DISP1: variants seen among roughly 807,000 people sequenced by gnomAD.
The protein encoded by DISP1 is dispatched RND transporter family member 1.
In DISP1, 30 loss-of-function variants were observed where a neutral mutation model predicts 37.3. That is an observed-to-expected ratio of 0.80 (90% confidence interval 0.60 to 1.09). The LOEUF is 1.09. Ranked by LOEUF, DISP1 falls within the 50% of genes least tolerant of loss-of-function variation. The pLI is 0.00. For synonymous variants in DISP1, 634 were observed against 690.2 expected (o/e 0.92, Z 1.28); for missense variants, 1,598 against 1,879.5 (o/e 0.85, Z 2.77).
intron 2 of DISP1, 88 bp from the exon 3 acceptor site, chr1:222,942,719 A>T: frequency 6.7e-7 from 1 of 1,487,366 alleles, no homozygotes; most frequent in Admixed American, 1.7e-5. Context: ...CTCATTTTCA[A>T]TGAGCTGTTT....
Position 222,875,428 on chromosome 1 carries a change from G to T in DISP1, c.-158-53002G>T, listed in dbSNP as rs1210056866. On this transcript the variant is annotated intron_variant, in intron 1 of 8. Coordinates refer to ENST00000675850, the MANE Select transcript of DISP1 (RefSeq NM_001377229.1). ...ACTATAAAATATACTACAAATTATT[G>T]TGACTCTTATTTTGGCTTTTTTCCC... Among the ~76,000 whole-genome samples, 3 of 151,762 alleles carry T rather than the reference G, an allele frequency of 2.0e-5. No individual in the cohort carries two copies. The East Asian group carries it at 5.8e-4, about 29-fold the overall frequency.
intron 1 of DISP1, among the ~76,000 whole-genome samples, chr1:222,843,229 A>G (rs935918193): frequency 2.6e-5 from 4 of 152,044 alleles, no homozygotes; most frequent in Non-Finnish European, 5.9e-5. Flanking sequence ...CACTGCAAAT[A>G]CTGTGTCTAA....
At chr1:222,989,254 C>G (rs903875866) in intron 4 of DISP1, 1 of 431,696 alleles carries the variant, frequency 2.3e-6, no homozygotes, top group Non-Finnish European at 3.1e-6. Context: ...TCAAATGAGC[C>G]AGAAATAGCC....
chr1:222,830,482 G>T (rs1034589720), intron 1 of DISP1, among the ~76,000 whole-genome samples: 2 of 151,956 alleles, frequency 1.3e-5, no homozygotes, highest in Admixed American at 1.3e-4. Flanking sequence ...CCAGGTTCAA[G>T]CGATTCTCCT....
intron 3 of DISP1, among the ~76,000 whole-genome samples, chr1:222,981,838 A>G (rs1371023071): frequency 3.9e-5 from 6 of 152,204 alleles, no homozygotes; most frequent in Admixed American, 2.0e-4. Flanking sequence ...TAGCTAGGCA[A>G]TTCAATTATT....
intron 8 of DISP1, among the ~76,000 whole-genome samples, chr1:222,996,203 C>T (rs986880604): frequency 1.3e-5 from 2 of 152,220 alleles, no homozygotes; most frequent in Admixed American, 1.3e-4. Context: ...TTCTTCTCTT[C>T]TACAGCTATC....
At chr1:222,981,503 G>A (rs183420635) in intron 3 of DISP1, among the ~76,000 whole-genome samples, 40 of 152,288 alleles carry the variant, frequency 2.6e-4, no homozygotes, top group Non-Finnish European at 5.3e-4. Context: ...TGCATCTCTT[G>A]TATCAACAGT....
chr1:222,819,157 G>A (rs1030158083), intron 1 of DISP1, among the ~76,000 whole-genome samples: 4 of 152,112 alleles, frequency 2.6e-5, no homozygotes, highest in Non-Finnish European at 2.9e-5. Context: ...CCCTGTGCTC[G>A]TCGTTTCTCC....
Position 223,004,643 on chromosome 1 carries a change from G to T in DISP1, c.3246G>T (p.Ala1082=). 1 of 1,614,048 alleles carries T rather than the reference G, an allele frequency of 6.2e-7. No individual in the cohort carries two copies. The highest frequency in any genetic ancestry group is 8.5e-7 in the Non-Finnish European group (1 of 1,180,008). Reference sequence around the variant, plus strand: ...TCTCTCTGAGTCGCGTGGGCTCTGCGATGGCCATGGCTGCCCTGACCACCT... The same window carrying T: ...TCTCTCTGAGTCGCGTGGGCTCTGCTATGGCCATGGCTGCCCTGACCACCT... ...VIFSLSRVGS[A]MAMAALTTFV... is the part of the protein sequence containing the mutation. The change falls in exon 9 of 9, where the codon GCG becomes GCT. Residue 1082 remains alanine (A), a synonymous_variant. Transcript: ENST00000675850. This position sits in a 1 kb window ranked among gnomAD's most constrained non-coding sequence, Gnocchi z 4.9.
chr1:222,932,705 C>T (rs1367333156), intron 2 of DISP1, among the ~76,000 whole-genome samples: 1 of 151,900 alleles, frequency 6.6e-6, no homozygotes, highest in African/African-American at 2.4e-5. Context: ...TCTTTCTTTC[C>T]AGCATTGATG....
intron 1 of DISP1, among the ~76,000 whole-genome samples, chr1:222,899,539 G>A (rs1348721935): frequency 6.6e-6 from 1 of 152,094 alleles, no homozygotes; most frequent in African/African-American, 2.4e-5. Context: ...GTTTGATATT[G>A]TCTGGCTTAC....
chr1:222,949,656 T>G (rs1007807271), intron 3 of DISP1, among the ~76,000 whole-genome samples: 1 of 152,202 alleles, frequency 6.6e-6, no homozygotes, highest in Non-Finnish European at 1.5e-5. Context: ...AGACAGAGTC[T>G]TGCTCCATCG....
chr1:222,818,714 A>G (rs1036940269), intron 1 of DISP1, among the ~76,000 whole-genome samples: 2 of 152,162 alleles, frequency 1.3e-5, no homozygotes, highest in Non-Finnish European at 2.9e-5. Flanking sequence ...AGCTGATTAG[A>G]TGAGTCCTAC....
At chr1:222,993,378 A>C (rs574672655) in intron 7 of DISP1, among the ~76,000 whole-genome samples, 3 of 152,328 alleles carry the variant, frequency 2.0e-5, no homozygotes, top group African/African-American at 4.8e-5. Flanking sequence ...TATAATTTTT[A>C]ATTAAGTGAA....
chr1:222,902,595 A>G (rs1671658850), intron 1 of DISP1, among the ~76,000 whole-genome samples: 2 of 152,206 alleles, frequency 1.3e-5, no homozygotes, highest in East Asian at 1.9e-4. Context: ...AATGAACTCA[A>G]ACAAATTTAC....
In DISP1 at chr1:223,005,612, G is replaced by T; in HGVS notation, c.4215G>T (p.Thr1405=). 2.5e-6 allele frequency: 4 copies of T among 1,609,002 alleles called. No individual in the cohort carries two copies. The highest frequency in any genetic ancestry group is 1.4e-5 in the African/African-American group (1 of 73,272). Residue 1405 remains threonine (T), a synonymous_variant, in exon 9 of 9, where the codon ACG becomes ACT. Transcript: ENST00000675850. ...VCRSTGSLLK[T]CCDPENKQRE... ...GAAGCACTGGATCGTTACTCAAAAC[G>T]TGTTGCGACCCCGAGAATAAACAAA... is the stretch of plus-strand genomic sequence containing the variant.
intron 2 of DISP1, among the ~76,000 whole-genome samples, chr1:222,929,338 A>C (rs1016290277): frequency 3.3e-5 from 5 of 152,160 alleles, no homozygotes; most frequent in African/African-American, 1.2e-4. Flanking sequence ...AATTAGTTTA[A>C]TGTGAAATAT....
rs776717783 is a variant in DISP1, at chr1:222,893,797, A to G, written c.-158-34633A>G. Among the ~76,000 whole-genome samples the G allele has an allele frequency of 6.6e-6, 1 of 152,064 alleles. No individual in the cohort carries two copies. The highest frequency in any genetic ancestry group is 1.5e-5 in the Non-Finnish European group (1 of 68,016). On this transcript the variant is annotated intron_variant, in intron 1 of 8. Transcript: ENST00000675850. The surrounding 1 kb of genome is among the most constrained non-coding windows in gnomAD (Gnocchi z 4.3). ...CCTTCTTGTTGCCCACAACGTGGCT[A>G]ATGGAGTGGGGGCGTGTTTCAGCCC...
chr1:222,928,550 G>GAGGGAA lies in DISP1; in HGVS notation c.-38_-37insAGGGAA, dbSNP rs1673212003. On this transcript the variant is annotated 5_prime_UTR_variant, in exon 2 of 9. Transcript: ENST00000675850. ...ATTTGCACCAAACTGAGCCAGAGAA[G>GAGGGAA]TTCCCTCTTTTAACATAAAGGTAAT... 1.3e-5 allele frequency: 2 copies of GAGGGAA among 152,358 alleles called. No homozygotes were observed. Among genetic ancestry groups the GAGGGAA allele is most frequent in the African/African-American group, 4.8e-5 (2 of 41,584 alleles). 9.4% of individuals were successfully genotyped at this position (152,358 alleles called of 1,614,324 possible).
Sources: allele counts gnomAD v4.1 joint callset (sites outside exome capture counted in the v4.1 genomes callset), GRCh38; gene constraint gnomAD v4.1.1; non-coding constraint Gnocchi (gnomAD v3.1); transcripts MANE v1.5; gene names NCBI Gene and HGNC (gene_info 2026-07-23, HGNC 2026-07-21).